Variants in LRBA observed in about 807,000 individuals in gnomAD.
LRBA encodes the protein LPS responsive beige-like anchor protein.
Under a neutral mutation model 330.0 loss-of-function variants are expected in LRBA, and 176 were observed. That is an observed-to-expected ratio of 0.53 (90% confidence interval 0.47 to 0.60). The LOEUF is 0.60. Among genes scored for constraint, LRBA ranks in the 20% least tolerant of loss-of-function variants. The pLI is 0.00. For synonymous variants in LRBA, 1,230 were observed against 1,193.0 expected, an observed-to-expected ratio of 1.03 and a Z score of -0.64; for missense variants, 3,259 against 3,444.8, an observed-to-expected ratio of 0.95 and a Z score of 1.35.
In LRBA at chr4:150,302,643, T is replaced by C; in HGVS notation, c.7999A>G (p.Ile2667Val). ...LWYWNGKCSG[I>V]GDNPGSETAA... ...TACTTACTGCCTGGGTTATCTCCAA[T>C]CCCACTGCATTTTCCATTCCAATAC... The change falls in exon 53 of 57, where the codon ATT (isoleucine) becomes GTT (valine). Residue 2667 changes from isoleucine to valine, a missense_variant. Transcript: ENST00000651943. 3 of 1,609,730 alleles carry C rather than the reference T, an allele frequency of 1.9e-6. No individual in the cohort carries two copies. Among genetic ancestry groups the C allele is most frequent in the South Asian group, 2.2e-5 (2 of 90,154 alleles).
intron 42 of LRBA, among the ~76,000 whole-genome samples, chr4:150,483,178 A>G (rs1330019920): frequency 1.3e-5 from 2 of 152,064 alleles, no homozygotes; most frequent in Non-Finnish European, 2.9e-5. Flanking sequence ...ATGTAAAATT[A>G]AGGGGTGAGG....
chr4:150,399,519 C>T (rs1168670749), intron 47 of LRBA, among the ~76,000 whole-genome samples: 1 of 152,118 alleles, frequency 6.6e-6, no homozygotes, highest in African/African-American at 2.4e-5. Context: ...AAGAGAGGTC[C>T]TCAAGCGGCT....
At chr4:150,973,935 A>G (rs1739866693) in intron 2 of LRBA, among the ~76,000 whole-genome samples, 1 of 152,222 alleles carries the variant, frequency 6.6e-6, no homozygotes, top group Middle Eastern at 3.2e-3. Context: ...ACACACATTA[A>G]TCAAGCAGCT....
chr4:150,954,528 G>A (rs202062842), intron 2 of LRBA, among the ~76,000 whole-genome samples: 6 of 151,226 alleles, frequency 4.0e-5, no homozygotes, highest in East Asian at 3.9e-4. Flanking sequence ...GATTAAGGGC[G>A]GTGCAAGATG....
chr4:150,736,701 T>C (rs1327580112), intron 35 of LRBA, among the ~76,000 whole-genome samples: 1 of 152,070 alleles, frequency 6.6e-6, no homozygotes, highest in African/African-American at 2.4e-5. Flanking sequence ...ATGGCCAAGA[T>C]TTTTCAAAAC....
At chr4:150,496,176 G>A (rs1759571579) in intron 40 of LRBA, among the ~76,000 whole-genome samples, 1 of 151,994 alleles carries the variant, frequency 6.6e-6, no homozygotes, top group South Asian at 2.1e-4. Flanking sequence ...AATAATGCAT[G>A]TATTTCTTCC....
intron 40 of LRBA, among the ~76,000 whole-genome samples, chr4:150,535,381 T>C (rs1312877278): frequency 1.3e-5 from 2 of 152,300 alleles, no homozygotes; most frequent in Middle Eastern, 3.4e-3. Flanking sequence ...CAAGTGGTTC[T>C]CCCACTTTGG....
chr4:150,660,603 A>G (rs1185946427), intron 37 of LRBA, among the ~76,000 whole-genome samples: 1 of 145,410 alleles, frequency 6.9e-6, no homozygotes, highest in Non-Finnish European at 1.5e-5. Flanking sequence ...CCAGGATGAC[A>G]ATGGCGGCCT....
intron 48 of LRBA, among the ~76,000 whole-genome samples, chr4:150,335,208 T>C (rs1000586360): frequency 6.6e-6 from 1 of 151,906 alleles, no homozygotes; most frequent in Non-Finnish European, 1.5e-5. Context: ...ATTATAGCAC[T>C]CTATAACAGT....
At chr4:150,932,893 G>T (rs898803183) in intron 2 of LRBA, among the ~76,000 whole-genome samples, 8 of 152,032 alleles carry the variant, frequency 5.3e-5, no homozygotes, top group Non-Finnish European at 1.0e-4. Context: ...TCTAGACTGG[G>T]TGACAGAGTG....
In LRBA at chr4:150,867,658, T is replaced by C; in HGVS notation, c.2766+13A>G. The C allele has an allele frequency of 6.3e-7, 1 of 1,585,778 alleles. No individual in the cohort carries two copies. Among genetic ancestry groups the C allele is most frequent in the Non-Finnish European group, 8.6e-7 (1 of 1,169,442 alleles). ...TTTAAAATGCTACAATACGCTTTCA[T>C]AAAGAAACTTACCTTTGAATGAGTG... On this transcript the variant is annotated intron_variant, in intron 22 of 56. Coordinates refer to ENST00000651943, the MANE Select transcript of LRBA (RefSeq NM_001364905.1).
At chr4:150,577,784 G>A (rs762947502) in intron 40 of LRBA, among the ~76,000 whole-genome samples, 3 of 152,040 alleles carry the variant, frequency 2.0e-5, no homozygotes, top group African/African-American at 4.8e-5. Context: ...ATGCACTGAC[G>A]TTAACTCAGT....
Position 150,758,907 on chromosome 4 carries a change from G to C in LRBA, c.5645+2876C>G, listed in dbSNP as rs543067067. On this transcript the variant is annotated intron_variant, in intron 35 of 56. Transcript: ENST00000651943. ...CACTTCTATCCTTAAATTCCTACAT[G>C]CATCAGCCATAGTCATTTTTTCCCC... Among the ~76,000 whole-genome samples the C allele has an allele frequency of 6.6e-5, 10 of 151,654 alleles. No homozygotes were observed. In the South Asian group the frequency reaches 1.9e-3, roughly 28 times the overall value.
At chr4:150,969,164 CGTT>C (rs1282708112) in intron 2 of LRBA, among the ~76,000 whole-genome samples, 1 of 152,194 alleles carries the variant, frequency 6.6e-6, no homozygotes, top group African/African-American at 2.4e-5. Flanking sequence ...AGGAGATTCA[CGTT>C]GTTTTCGTGC....
At chr4:150,459,631 C>A (rs1480293020) in intron 44 of LRBA, among the ~76,000 whole-genome samples, 1 of 151,806 alleles carries the variant, frequency 6.6e-6, no homozygotes, top group African/African-American at 2.4e-5. Flanking sequence ...TGGAAAGCAC[C>A]TATTAGGGCT....
At chr4:150,874,409 G>A (rs1428415603) in intron 17 of LRBA, among the ~76,000 whole-genome samples, 1 of 152,220 alleles carries the variant, frequency 6.6e-6, no homozygotes, top group Non-Finnish European at 1.5e-5. Context: ...AAATCTGGCA[G>A]TGTGGCTGTG....
intron 40 of LRBA, among the ~76,000 whole-genome samples, chr4:150,503,419 C>T (rs199657578): frequency 6.6e-6 from 1 of 152,166 alleles, no homozygotes; most frequent in Non-Finnish European, 1.5e-5. Flanking sequence ...CTGCAGCCAC[C>T]GCTGCTGACA....
chr4:150,268,472 T>C (rs1022398572), intron 56 of LRBA, among the ~76,000 whole-genome samples: 19 of 152,260 alleles, frequency 1.2e-4, no homozygotes, highest in Non-Finnish European at 2.2e-4. Context: ...GTTGAAGACA[T>C]TACAACAAAA....
At chr4:150,789,402 A>G (rs749421723) in intron 34 of LRBA, among the ~76,000 whole-genome samples, 3 of 152,226 alleles carry the variant, frequency 2.0e-5, no homozygotes, top group Non-Finnish European at 4.4e-5. Context: ...TAAAAAATGT[A>G]CAATAGATGG....
Sources: allele counts gnomAD v4.1 joint callset (sites outside exome capture counted in the v4.1 genomes callset), GRCh38; gene constraint gnomAD v4.1.1; transcripts MANE v1.5; gene names NCBI Gene and HGNC (gene_info 2026-07-23, HGNC 2026-07-21).